Variants in GABRA2 observed in about 807,000 individuals in gnomAD.
GABRA2 encodes the protein gamma-aminobutyric acid type A receptor subunit alpha2, also known as gamma-aminobutyric acid receptor subunit alpha-2.
In GABRA2, 16 loss-of-function variants were observed where a neutral mutation model predicts 48.7. The observed-to-expected ratio is 0.33, with a 90% CI of 0.22 to 0.50. The LOEUF is 0.50. GABRA2 is among the 20% of genes least tolerant of loss of function. The probability of loss-of-function intolerance (pLI) is 0.98; values close to 1 mark genes in which losing one functional copy is unlikely to be tolerated. For synonymous variants in GABRA2, 185 were observed against 184.5 expected, an observed-to-expected ratio of 1.00 and a Z score of -0.02; for missense variants, 275 against 535.6, an observed-to-expected ratio of 0.51 and a Z score of 4.80.
At chr4:46,340,645 G>A (rs978647356) in intron 3 of GABRA2, among the ~76,000 whole-genome samples, 2 of 151,880 alleles carry the variant, frequency 1.3e-5, no homozygotes, top group Non-Finnish European at 2.9e-5. Context: ...GGCATTCCTG[G>A]CATAAATATA....
chr4:46,389,024 ACT>A lies in GABRA2; in HGVS notation c.-10-310_-10-309del, dbSNP rs201502473. 2.1e-3 allele frequency: 2,407 copies of A among 1,145,344 alleles called. 42 individuals are homozygous for A. In the African/African-American group the frequency reaches 0.038, roughly 18 times the overall value. 70.9% of individuals were successfully genotyped at this position (1,145,344 alleles called of 1,614,324 possible). A position where few individuals can be genotyped will look rare whatever the true frequency, so the allele number is the denominator to read the frequency against. ...TCCCCCAGCCTCATCGTCAGCAAACACTGTTTTGCGCACACGTAATAATAACA... is the reference window on the plus strand; with the variant it reads ...TCCCCCAGCCTCATCGTCAGCAAACAGTTTTGCGCACACGTAATAATAACA... On this transcript the variant is annotated intron_variant, in intron 1 of 9. Coordinates refer to ENST00000381620, the MANE Select transcript of GABRA2 (RefSeq NM_000807.4).
intron 4 of GABRA2, among the ~76,000 whole-genome samples, chr4:46,328,047 G>GA (rs1455626843): frequency 2.0e-4 from 31 of 151,778 alleles, no homozygotes; most frequent in Admixed American, 1.9e-3. Context: ...AGGAAAAAGG[G>GA]AAAAAAACAG....
At chr4:46,354,069 C>T (rs921117393) in intron 3 of GABRA2, among the ~76,000 whole-genome samples, 4 of 152,160 alleles carry the variant, frequency 2.6e-5, no homozygotes, top group African/African-American at 4.8e-5. Flanking sequence ...CTGCATTCTA[C>T]CTGCCAGTGC....
At chr4:46,375,761 C>T (rs190768416) in intron 3 of GABRA2, among the ~76,000 whole-genome samples, 18 of 152,302 alleles carry the variant, frequency 1.2e-4, no homozygotes, top group African/African-American at 4.3e-4. Context: ...GCCTAGAACA[C>T]ATGAAAGCCA....
Position 46,356,734 on chromosome 4 carries a change from A to G in GABRA2, c.188-24052T>C, listed in dbSNP as rs551689759. On this transcript the variant is annotated intron_variant, in intron 3 of 9. Coordinates refer to ENST00000381620, the MANE Select transcript of GABRA2 (RefSeq NM_000807.4). The stretch of plus-strand genomic sequence containing the variant: ...ATAACTGCTGTTCTGTGAAGGTTTG[A>G]TCTACTGCTGGAATAACACTTATTC... 1.6e-4 allele frequency among the ~76,000 whole-genome samples: 25 copies of G among 152,268 alleles called. 1 individual carries two copies. In the South Asian group the frequency reaches 4.8e-3, roughly 29 times the overall value.
intron 8 of GABRA2, among the ~76,000 whole-genome samples, chr4:46,283,370 T>C (rs1721902328): frequency 6.6e-6 from 1 of 152,040 alleles, no homozygotes; most frequent in Non-Finnish European, 1.5e-5. Flanking sequence ...AGCAAAACCA[T>C]AAATTAAGGA....
At chr4:46,310,961 G>T (rs1211037158) in intron 5 of GABRA2, among the ~76,000 whole-genome samples, 1 of 152,028 alleles carries the variant, frequency 6.6e-6, no homozygotes, top group Non-Finnish European at 1.5e-5. Context: ...GATATAGCAG[G>T]TACTAAATAA....
At chr4:46,322,239 T>C (rs1022330847) in intron 4 of GABRA2, among the ~76,000 whole-genome samples, 16 of 151,922 alleles carry the variant, frequency 1.1e-4, no homozygotes, top group Non-Finnish European at 1.8e-4. Context: ...CTGAAATTAG[T>C]CTGGACTGGA....
chr4:46,259,921 G>T (rs962801095), intron 9 of GABRA2, among the ~76,000 whole-genome samples: 2 of 151,822 alleles, frequency 1.3e-5, no homozygotes, highest in Admixed American at 1.3e-4. Context: ...TATCCTTTTA[G>T]TTTTAAGGAC....
chr4:46,362,215 C>A (rs1713319958), intron 3 of GABRA2, among the ~76,000 whole-genome samples: 1 of 152,082 alleles, frequency 6.6e-6, no homozygotes, highest in African/African-American at 2.4e-5. Flanking sequence ...GTAACTGAAT[C>A]ATGAGGGTAG....
chr4:46,320,903 T>A (rs774587785), intron 4 of GABRA2, among the ~76,000 whole-genome samples: 26 of 152,062 alleles, frequency 1.7e-4, no homozygotes, highest in Non-Finnish European at 3.4e-4. Flanking sequence ...AATGAAATCA[T>A]GACCTTTAAA....
At chr4:46,269,138 T>C (rs889199347) in intron 8 of GABRA2, among the ~76,000 whole-genome samples, 1 of 151,890 alleles carries the variant, frequency 6.6e-6, no homozygotes, top group Non-Finnish European at 1.5e-5. Context: ...CAGAGTATGG[T>C]AAATATAGCT....
intron 3 of GABRA2, among the ~76,000 whole-genome samples, chr4:46,375,372 A>G (rs1377948177): frequency 2.0e-5 from 3 of 152,202 alleles, no homozygotes; most frequent in African/African-American, 7.2e-5. Context: ...AGAAGAAATA[A>G]TTCTCATCAT....
intron 8 of GABRA2, among the ~76,000 whole-genome samples, chr4:46,300,990 G>A (rs1725637799): frequency 6.6e-6 from 1 of 152,060 alleles, no homozygotes; most frequent in Non-Finnish European, 1.5e-5. Context: ...AGTAGGATCA[G>A]ATTAATAATA....
intron 3 of GABRA2, among the ~76,000 whole-genome samples, chr4:46,340,123 T>C (rs1437911842): frequency 3.3e-5 from 5 of 151,932 alleles, no homozygotes; most frequent in South Asian, 2.1e-4. Flanking sequence ...ACCTCCTCTG[T>C]TGTTATGACT....
chr4:46,351,207 GT>G (rs754666807), intron 3 of GABRA2, among the ~76,000 whole-genome samples: 1 of 151,826 alleles, frequency 6.6e-6, no homozygotes, highest in Non-Finnish European at 1.5e-5. Flanking sequence ...GAGATCTAGA[GT>G]TTACTTAGAA....
At chr4:46,261,565 T>C in intron 9 of GABRA2, 1 of 343,702 alleles carries the variant, frequency 2.9e-6, no homozygotes, top group Non-Finnish European at 5.3e-6. Context: ...ACAAGTTGTG[T>C]AAGCTTGGGC....
At position 46,322,295 on chromosome 4, in the gene GABRA2, A is replaced by C. The variant is rs78365718; in HGVS notation, c.256-9579T>G. The stretch of plus-strand genomic sequence containing the variant: ...ACTGAAGCATTGCCGTAATGTGAGA[A>C]AGGGAGTTTGAAATAATAAAATCTT... On this transcript the variant is annotated intron_variant, in intron 4 of 9. Coordinates refer to ENST00000381620, the MANE Select transcript of GABRA2 (RefSeq NM_000807.4). 4.2e-3 allele frequency among the ~76,000 whole-genome samples: 636 copies of C among 152,010 alleles called. 9 individuals carry two copies. The East Asian group carries it at 0.042, about 10-fold the overall frequency.
At chr4:46,306,223 G>C (rs1257013584) in intron 6 of GABRA2, among the ~76,000 whole-genome samples, 1 of 152,150 alleles carries the variant, frequency 6.6e-6, no homozygotes, top group Non-Finnish European at 1.5e-5. Flanking sequence ...GAACATATAA[G>C]ATAAATAATA....
Sources: allele counts gnomAD v4.1 joint callset (sites outside exome capture counted in the v4.1 genomes callset), GRCh38; gene constraint gnomAD v4.1.1; transcripts MANE v1.5; gene names NCBI Gene and HGNC (gene_info 2026-07-23, HGNC 2026-07-21).